Variants in CEP128 observed in about 807,000 individuals in gnomAD.
The protein encoded by CEP128 is centrosomal protein 128kDa.
In CEP128, 132 loss-of-function variants were observed where a neutral mutation model predicts 156.7. The observed-to-expected ratio is 0.84, with a 90% confidence interval of 0.73 to 0.97. The LOEUF (loss-of-function observed/expected upper bound fraction) is 0.97, where lower values mean the gene tolerates loss of function less well. Among genes scored for constraint, CEP128 ranks in the 50% least tolerant of loss-of-function variants. CEP128 has a pLI of 0.00. For synonymous variants in CEP128, 469 were observed against 448.9 expected (o/e 1.04, Z -0.57); for missense variants, 1,252 against 1,281.9 (o/e 0.98, Z 0.36).
At chr14:80,613,476 T>TTG (rs954368700) in intron 19 of CEP128, among the ~76,000 whole-genome samples, 1 of 150,822 alleles carries the variant, frequency 6.6e-6, no homozygotes, top group African/African-American at 2.4e-5. Flanking sequence ...CTAATTTTTT[T>TTG]TTTTTTGTAT....
intron 2 of CEP128, among the ~76,000 whole-genome samples, chr14:80,932,678 C>T (rs1885536011): frequency 6.6e-6 from 1 of 152,118 alleles, no homozygotes; most frequent in Non-Finnish European, 1.5e-5. Flanking sequence ...TCAGGGCTCC[C>T]ACTGACTCTA....
chr14:80,821,064 G>A (rs1417704747), intron 13 of CEP128, among the ~76,000 whole-genome samples: 1 of 151,970 alleles, frequency 6.6e-6, no homozygotes, highest in Non-Finnish European at 1.5e-5. Flanking sequence ...TTTTCTCAGT[G>A]CATATGAATA....
intron 19 of CEP128, among the ~76,000 whole-genome samples, chr14:80,679,775 G>A (rs1231797036): frequency 8.4e-6 from 1 of 119,170 alleles, no homozygotes; most frequent in East Asian, 6.0e-4. Flanking sequence ...ACTACTCCCT[G>A]TTTACACCCC....
intron 13 of CEP128, among the ~76,000 whole-genome samples, chr14:80,793,769 G>A (rs1901841279): frequency 6.6e-6 from 1 of 152,010 alleles, no homozygotes; most frequent in African/African-American, 2.4e-5. Flanking sequence ...AAAACCTTCA[G>A]TCTAGCTTCC....
chr14:80,649,636 A>G (rs1894809528), intron 19 of CEP128, among the ~76,000 whole-genome samples: 1 of 152,064 alleles, frequency 6.6e-6, no homozygotes, highest in Admixed American at 6.6e-5. Flanking sequence ...TCTCTTAGGA[A>G]TGGGGTAAAA....
chr14:80,718,839 C>A (rs1414419354), intron 19 of CEP128, among the ~76,000 whole-genome samples: 2 of 152,168 alleles, frequency 1.3e-5, no homozygotes, highest in African/African-American at 4.8e-5. Context: ...GGCTTAACAC[C>A]AGCGAACCTC....
At chr14:80,872,345 A>G (rs1476547927) in intron 8 of CEP128, among the ~76,000 whole-genome samples, 1 of 152,198 alleles carries the variant, frequency 6.6e-6, no homozygotes, top group African/African-American at 2.4e-5. Flanking sequence ...TTCCCTTCCA[A>G]TGGACAATTT....
intron 19 of CEP128, among the ~76,000 whole-genome samples, chr14:80,606,081 C>G (rs1190942573): frequency 6.6e-6 from 1 of 151,798 alleles, no homozygotes; most frequent in Admixed American, 6.6e-5. Flanking sequence ...TGGATAATCT[C>G]ACGGGTCATT....
intron 2 of CEP128, among the ~76,000 whole-genome samples, chr14:80,920,576 A>G (rs1442718395): frequency 1.3e-5 from 2 of 152,230 alleles, no homozygotes; most frequent in Non-Finnish European, 2.9e-5. Flanking sequence ...AAAACTGACC[A>G]GGCCTCTGAA....
intron 8 of CEP128, among the ~76,000 whole-genome samples, chr14:80,884,670 G>C (rs1216258584): frequency 1.3e-5 from 2 of 152,210 alleles, no homozygotes; most frequent in African/African-American, 2.4e-5. Context: ...CCACAGACCA[G>C]GAGATTCTCT....
At chr14:80,493,872 A>G (rs1887406879), downstream of CEP128, among the ~76,000 whole-genome samples, 1 of 152,230 alleles carries the variant, frequency 6.6e-6, no homozygotes, top group African/African-American at 2.4e-5. Flanking sequence ...GGTTAGAACT[A>G]GAAGGTGCGG....
chr14:80,848,308 C>A (rs1044094455), intron 9 of CEP128, among the ~76,000 whole-genome samples: 1 of 152,114 alleles, frequency 6.6e-6, no homozygotes, highest in African/African-American at 2.4e-5. Flanking sequence ...CATGGTATAT[C>A]CATGGAAAAG....
chr14:80,792,687 T>C, intron 14 of CEP128, 73 bp downstream of exon 14: 1 of 1,268,688 alleles, frequency 7.9e-7, no homozygotes, highest in Non-Finnish European at 1.1e-6. Flanking sequence ...CACTCAAGTG[T>C]TTTTTCAAAG....
At chr14:80,944,822 C>CAAAAAAAA (rs55662141), upstream of CEP128, among the ~76,000 whole-genome samples, 6 of 34,660 alleles carry the variant, frequency 1.7e-4, no homozygotes, top group Non-Finnish European at 2.3e-4. Flanking sequence ...GAGTCTGTCT[C>CAAAAAAAA]AAAAAAAAAA....
At chr14:80,552,070 CA>C (rs1393652356) in intron 21 of CEP128, among the ~76,000 whole-genome samples, 2 of 151,842 alleles carry the variant, frequency 1.3e-5, no homozygotes, top group African/African-American at 4.8e-5. Context: ...GGGAGAGAGT[CA>C]ATTATGAAAG....
chr14:80,649,136 C>T (rs1173663176), intron 19 of CEP128, among the ~76,000 whole-genome samples: 1 of 152,082 alleles, frequency 6.6e-6, no homozygotes, highest in Non-Finnish European at 1.5e-5. Flanking sequence ...CAAGATGCTG[C>T]AGTTGTTTAC....
downstream of CEP128, among the ~76,000 whole-genome samples, chr14:80,488,900 C>T (rs1404036461): frequency 2.7e-5 from 4 of 149,028 alleles, no homozygotes; most frequent in Non-Finnish European, 5.9e-5. Context: ...AACCAAACAC[C>T]ACATGTTCTC....
At chr14:80,844,531 C>T (rs778391344) in intron 9 of CEP128, among the ~76,000 whole-genome samples, 1 of 151,928 alleles carries the variant, frequency 6.6e-6, no homozygotes, top group African/African-American at 2.4e-5. Context: ...TGTATTTTCC[C>T]GATGGAAATG....
intron 20 of CEP128, among the ~76,000 whole-genome samples, chr14:80,570,760 G>T (rs116221226): frequency 6.6e-6 from 1 of 152,010 alleles, no homozygotes; most frequent in Non-Finnish European, 1.5e-5. Flanking sequence ...TAGCATCAGG[G>T]TGACTTTGTG....
Sources: gnomAD v4.1 joint callset for allele counts (sites outside exome capture counted in the v4.1 genomes callset) on GRCh38, gnomAD v4.1.1 for gene constraint, MANE v1.5 for transcripts, NCBI Gene and HGNC (gene_info 2026-07-23, HGNC 2026-07-21) for gene names.